EEFSEC: variants seen among roughly 807,000 people sequenced by gnomAD.
EEFSEC encodes the protein eukaryotic elongation factor, selenocysteine-tRNA specific, also known as selenocysteine-specific elongation factor.
In EEFSEC, 43 loss-of-function variants were observed where a neutral mutation model predicts 42.1. The ratio of observed to expected loss-of-function variants is 1.02; its 90% CI spans 0.80 to 1.32. EEFSEC has a LOEUF of 1.32. Among genes scored for constraint, EEFSEC ranks in the 40% most tolerant of loss-of-function variants. The pLI is 0.00. For synonymous variants in EEFSEC, 354 were observed against 339.1 expected, an observed-to-expected ratio of 1.04 and a Z score of -0.48; for missense variants, 745 against 803.6, an observed-to-expected ratio of 0.93 and a Z score of 0.88.
intron 1 of EEFSEC, among the ~76,000 whole-genome samples, chr3:128,157,180 C>A (rs186549032): frequency 6.6e-6 from 1 of 152,192 alleles, no homozygotes; most frequent in Non-Finnish European, 1.5e-5. Context: ...TAATCCAGAG[C>A]AAGGCCCTAA....
chr3:128,407,906 G>C (rs542825156), intron 6 of EEFSEC, among the ~76,000 whole-genome samples, 163 bp from the exon 7 acceptor site: 25 of 152,304 alleles, frequency 1.6e-4, no homozygotes, highest in African/African-American at 5.8e-4. Context: ...TATCAGATGG[G>C]TGCCGGAGGG....
chr3:128,350,463 C>T (rs1479813605), intron 5 of EEFSEC, among the ~76,000 whole-genome samples: 2 of 152,184 alleles, frequency 1.3e-5, no homozygotes, highest in African/African-American at 4.8e-5. Context: ...TCCCAGGCTA[C>T]TTGAGAAAAC....
rs1442704053 is a variant in EEFSEC at position 128,247,796 on chromosome 3, GAGGAGA to G, written c.524+765_524+770del. 2.6e-5 allele frequency among the ~76,000 whole-genome samples: 4 copies of G among 152,054 alleles called. No homozygotes were observed. In the East Asian group the frequency reaches 5.9e-4, roughly 22 times the overall value. On this transcript the variant is annotated intron_variant, in intron 2 of 6. Transcript: ENST00000254730. ...CCCAGGAGGCAGCAGAGAGGAGAAG[GAGGAGA>G]AGGAGAAGGAGCAGCAGAGGCTACT... is the stretch of plus-strand genomic sequence containing the variant.
intron 6 of EEFSEC, among the ~76,000 whole-genome samples, chr3:128,402,519 G>A (rs767204870): frequency 1.9e-4 from 29 of 152,194 alleles, no homozygotes; most frequent in Admixed American, 9.2e-4. Flanking sequence ...ATAGCCTGGC[G>A]TTCCCGCTCT....
At chr3:128,370,221 C>T (rs1202033822) in intron 6 of EEFSEC, among the ~76,000 whole-genome samples, 2 of 152,178 alleles carry the variant, frequency 1.3e-5, no homozygotes, top group East Asian at 1.9e-4. Flanking sequence ...GAGGTGATTT[C>T]GGGGCCTTAG....
intron 1 of EEFSEC, among the ~76,000 whole-genome samples, chr3:128,201,575 G>C (rs969492803): frequency 6.6e-6 from 1 of 152,070 alleles, no homozygotes; most frequent in Non-Finnish European, 1.5e-5. Flanking sequence ...AAATTATTTT[G>C]TTGTTGAGTT....
chr3:128,414,877 G>A, the EEFSEC span, among the ~76,000 whole-genome samples: 2 of 152,154 alleles, frequency 1.3e-5, no homozygotes, highest in Non-Finnish European at 2.9e-5. Context: ...CATGGCTGGA[G>A]TCAGTAAAGA....
At chr3:128,338,757 C>T (rs1559927669) in intron 4 of EEFSEC, among the ~76,000 whole-genome samples, 1 of 152,246 alleles carries the variant, frequency 6.6e-6, no homozygotes, top group South Asian at 2.1e-4. Flanking sequence ...AGTGGGGGCT[C>T]AGCCCTGTGA....
chr3:128,309,456 T>C (rs1218821695), intron 4 of EEFSEC, among the ~76,000 whole-genome samples: 1 of 152,214 alleles, frequency 6.6e-6, no homozygotes, highest in African/African-American at 2.4e-5. Flanking sequence ...TGCTGCTGTC[T>C]GCTGAACGCT....
chr3:128,294,540 C>T (rs979697060), intron 4 of EEFSEC, among the ~76,000 whole-genome samples: 2 of 152,166 alleles, frequency 1.3e-5, no homozygotes, highest in African/African-American at 4.8e-5. Context: ...AGCAGCAGGG[C>T]CCCAGACCTA....
intron 1 of EEFSEC, among the ~76,000 whole-genome samples, chr3:128,220,326 C>G (rs537558714): frequency 2.6e-5 from 4 of 152,278 alleles, no homozygotes; most frequent in South Asian, 2.1e-4. Flanking sequence ...CTCAATTACT[C>G]CCACTCTTGA....
At position 128,336,059 on chromosome 3, in the gene EEFSEC, C is replaced by G. The variant is rs553068932; in HGVS notation, c.787-5174C>G. On this transcript the variant is annotated intron_variant, in intron 4 of 6. Coordinates refer to ENST00000254730, the MANE Select transcript of EEFSEC (RefSeq NM_021937.5). The stretch of plus-strand genomic sequence containing the variant: ...ATGCTCCCAGCTCCAGTCTCCACCT[C>G]CCCTGGAACTCAGACGTCTGTGTCT... Among the ~76,000 whole-genome samples, 159 of 152,264 alleles carry G rather than the reference C, an allele frequency of 1.0e-3. 1 individual carries two copies. Among genetic ancestry groups the G allele is most frequent in the Non-Finnish European group, 1.8e-3 (125 of 68,008 alleles).
intron 2 of EEFSEC, among the ~76,000 whole-genome samples, chr3:128,252,056 A>C (rs892614205): frequency 3.3e-5 from 5 of 151,954 alleles, no homozygotes; most frequent in Non-Finnish European, 7.4e-5. Flanking sequence ...TTATTTTTCC[A>C]CTAAATGTTA....
At chr3:128,213,514 G>A (rs929707548) in intron 1 of EEFSEC, among the ~76,000 whole-genome samples, 4 of 152,096 alleles carry the variant, frequency 2.6e-5, no homozygotes, top group South Asian at 4.1e-4. Context: ...GGTCCTGAAC[G>A]ATCCAGAGGA....
At chr3:128,324,643 G>A (rs576760628) in intron 4 of EEFSEC, among the ~76,000 whole-genome samples, 5 of 152,208 alleles carry the variant, frequency 3.3e-5, no homozygotes, top group Non-Finnish European at 7.3e-5. Flanking sequence ...CATCCTGCAC[G>A]ACAGAAGAGT....
rs1051470351 is a variant in EEFSEC at position 128,213,172 on chromosome 3, A to G, written c.317-33664A>G. 4.6e-5 allele frequency among the ~76,000 whole-genome samples: 7 copies of G among 152,228 alleles called. 1 individual carries two copies. Among genetic ancestry groups the G allele is most frequent in the Non-Finnish European group, 1.0e-4 (7 of 68,044 alleles). On this transcript the variant is annotated intron_variant, in intron 1 of 6. Coordinates refer to ENST00000254730, the MANE Select transcript of EEFSEC (RefSeq NM_021937.5). ...CTAGGTCCGAGACCTGGGTTGTGGCAGTTGCTGCATTACTTATAGGCTGTG... is the reference window on the plus strand; with the variant it reads ...CTAGGTCCGAGACCTGGGTTGTGGCGGTTGCTGCATTACTTATAGGCTGTG...
intron 4 of EEFSEC, among the ~76,000 whole-genome samples, chr3:128,279,504 G>C (rs901000250): frequency 9.2e-5 from 14 of 152,188 alleles, no homozygotes; most frequent in African/African-American, 3.4e-4. Flanking sequence ...TCAGCTGCTG[G>C]GCCTGCCTGG....
At chr3:128,214,660 A>G (rs1271963472) in intron 1 of EEFSEC, among the ~76,000 whole-genome samples, 2 of 152,234 alleles carry the variant, frequency 1.3e-5, no homozygotes, top group East Asian at 1.9e-4. Flanking sequence ...ACCAGTTAAG[A>G]TATGTATTCA....
chr3:128,236,715 C>T (rs1003131436), intron 1 of EEFSEC, among the ~76,000 whole-genome samples: 9 of 152,170 alleles, frequency 5.9e-5, no homozygotes, highest in Non-Finnish European at 1.2e-4. Flanking sequence ...GCACTTGTTC[C>T]TCCCTCTGTT....
Sources: gnomAD v4.1 joint callset for allele counts (sites outside exome capture counted in the v4.1 genomes callset) on GRCh38, gnomAD v4.1.1 for gene constraint, MANE v1.5 for transcripts, NCBI Gene and HGNC (gene_info 2026-07-23, HGNC 2026-07-21) for gene names.